ZBTB17: variants seen among roughly 807,000 people sequenced by gnomAD.
The protein encoded by ZBTB17 is zinc finger and BTB domain containing 17, also known as zinc finger and BTB domain-containing protein 17.
ZBTB17 carries 24 observed loss-of-function variants against 85.1 expected under a neutral mutation model. The observed-to-expected ratio is 0.28, with a 90% CI of 0.20 to 0.40. The LOEUF (loss-of-function observed/expected upper bound fraction) is 0.40. Among genes scored for constraint, ZBTB17 ranks in the 10% least tolerant of loss-of-function variants. ZBTB17 has a pLI of 1.00. For missense variants in ZBTB17, 743 were observed against 1,105.1 expected, an observed-to-expected ratio of 0.67 and a Z score of 4.65; for synonymous variants, 464 against 460.2, an observed-to-expected ratio of 1.01 and a Z score of -0.11.
At chr1:15,946,902 C>A in intron 4 of ZBTB17, 33 bp downstream of exon 4, 1 of 1,586,260 alleles carries the variant, frequency 6.3e-7, no homozygotes. Flanking sequence ...AGGTCTCTGG[C>A]CATCTGCTTG....
chr1:15,968,398 T>A (rs972305669), intron 2 of ZBTB17, among the ~76,000 whole-genome samples: 4 of 152,138 alleles, frequency 2.6e-5, no homozygotes, highest in Non-Finnish European at 5.9e-5. Flanking sequence ...AGTACCAGGA[T>A]AAATAAGACC....
At position 15,952,107 on chromosome 1, in the gene ZBTB17, T is replaced by C. The variant is rs554857664; in HGVS notation, c.-2-3610A>G. On this transcript the variant is annotated intron_variant, in intron 2 of 15. Coordinates refer to ENST00000375743, the MANE Select transcript of ZBTB17 (RefSeq NM_003443.3). This position sits in a 1 kb window ranked among gnomAD's most constrained non-coding sequence, Gnocchi z 4.3. ...ACTTCTAAGGAAGATCCTAAAACCT[T>C]AGAACCATAGAAAATGCCAACAGAA... Among the ~76,000 whole-genome samples the C allele has an allele frequency of 4.6e-5, 7 of 152,234 alleles. No individual in the cohort carries two copies. Among genetic ancestry groups the C allele is most frequent in the African/African-American group, 1.4e-4 (6 of 41,534 alleles).
intron 2 of ZBTB17, among the ~76,000 whole-genome samples, chr1:15,963,944 C>CAA (rs879787456): frequency 7.2e-6 from 1 of 138,312 alleles, no homozygotes; most frequent in African/African-American, 2.7e-5. Flanking sequence ...CTGTCTTTAC[C>CAA]AAAAAAAAAA....
At chr1:15,974,713 T>G (rs2072799833) in intron 1 of ZBTB17, among the ~76,000 whole-genome samples, 1 of 152,142 alleles carries the variant, frequency 6.6e-6, no homozygotes, top group East Asian at 1.9e-4. Context: ...CAGCTGGGAC[T>G]ACAGGCGCGC....
At position 15,969,687 on chromosome 1, in the gene ZBTB17, C is replaced by T. The variant is rs79642618; in HGVS notation, c.-3+3352G>A. The T allele has an allele frequency of 2.7e-3, 1,263 of 468,606 alleles. 34 individuals carry two copies. In the East Asian group the frequency reaches 0.06, roughly 22 times the overall value. The allele number at this position is 468,606 out of a possible 1,614,324, so 29.0% of individuals were successfully genotyped here. On this transcript the variant is annotated intron_variant, in intron 2 of 15. Transcript: ENST00000375743. ...TTCTGACTGCCAATATCTTCGCCATCGCCAGCATCACCAACCCAGACTGGC... is the reference window on the plus strand; with the variant it reads ...TTCTGACTGCCAATATCTTCGCCATTGCCAGCATCACCAACCCAGACTGGC...
intron 6 of ZBTB17, 121 bp from the exon 7 acceptor site, chr1:15,945,323 G>A (rs1222090648): frequency 2.5e-5 from 36 of 1,450,212 alleles, no homozygotes; most frequent in Middle Eastern, 2.4e-4. Flanking sequence ...GAAAGCCCCC[G>A]GGGGGGCCTG....
intron 2 of ZBTB17, among the ~76,000 whole-genome samples, chr1:15,959,012 A>G (rs757865695): frequency 5.3e-5 from 8 of 152,316 alleles, no homozygotes; most frequent in Non-Finnish European, 1.0e-4. Flanking sequence ...GACCCTTGGG[A>G]TAGGAAAAAT....
rs3979178 is a variant in ZBTB17, at chr1:15,964,975, G to A, written c.-3+8064C>T. Among the ~76,000 whole-genome samples the A allele has an allele frequency of 0.25, 37,324 of 151,784 alleles. 5,332 individuals are homozygous for A. The highest frequency in any genetic ancestry group is 0.43 in the South Asian group (2,086 of 4,816). ...AAAAATAAAAAAAAATTAGCCAGGC[G>A]TGGTGGCACGCATCTGTAATCCCAG... On this transcript the variant is annotated intron_variant, in intron 2 of 15. Transcript: ENST00000375743. The surrounding 1 kb of genome is among the most constrained non-coding windows in gnomAD (Gnocchi z 4.3).
chr1:15,969,194 C>T lies in ZBTB17; in HGVS notation c.-3+3845G>A, dbSNP rs542363772. ...GTGAGCTTCTCATGAAAATCTAATGCCTGATGATCTGTCACTGTCTTCCAT... is the reference window on the plus strand; with the variant it reads ...GTGAGCTTCTCATGAAAATCTAATGTCTGATGATCTGTCACTGTCTTCCAT... On this transcript the variant is annotated intron_variant, in intron 2 of 15. Transcript: ENST00000375743. 3.9e-5 allele frequency among the ~76,000 whole-genome samples: 6 copies of T among 152,286 alleles called. No homozygotes were observed. The South Asian group carries it at 1.2e-3, about 32-fold the overall frequency.
At position 15,945,743 on chromosome 1, in the gene ZBTB17, C is replaced by T. The variant is rs141369899; in HGVS notation, c.633G>A (p.Glu211=). The T allele has an allele frequency of 6.5e-4, 1,045 of 1,607,308 alleles. 11 individuals are homozygous for T. The African/African-American group carries it at 0.012, about 18-fold the overall frequency. Residue 211 remains glutamate (E), a synonymous_variant, in exon 6 of 16, where the codon GAG becomes GAA. Coordinates refer to ENST00000375743, the MANE Select transcript of ZBTB17 (RefSeq NM_003443.3). ...PTSGMAAAEA[E]AALSESSEQE... Reference sequence around the variant, plus strand: ...GCTCCGAGCTCTCGGACAAAGCGGCCTCAGCTTCTGCAGCAGCCATGCCAC... The same window carrying T: ...GCTCCGAGCTCTCGGACAAAGCGGCTTCAGCTTCTGCAGCAGCCATGCCAC...
chr1:15,963,716 G>T (rs542258989), intron 2 of ZBTB17, among the ~76,000 whole-genome samples: 1 of 152,240 alleles, frequency 6.6e-6, no homozygotes, highest in South Asian at 2.1e-4. Flanking sequence ...ATCCCAGAAA[G>T]AAAAGTATTA....
At chr1:15,967,699 A>C (rs2072494696) in intron 2 of ZBTB17, among the ~76,000 whole-genome samples, 1 of 152,194 alleles carries the variant, frequency 6.6e-6, no homozygotes, top group South Asian at 2.1e-4. Flanking sequence ...AACAGTAATT[A>C]TGGAGCCAGG....
chr1:15,947,473 T>C (rs181616601), intron 3 of ZBTB17, among the ~76,000 whole-genome samples: 60 of 152,024 alleles, frequency 3.9e-4, no homozygotes, highest in Non-Finnish European at 6.8e-4. Flanking sequence ...GGGCTGTGAA[T>C]GCCGCCCATG....
rs778085131 is a variant in ZBTB17, at chr1:15,952,429, G to A, written c.-2-3932C>T. Among the ~76,000 whole-genome samples, 11 of 152,224 alleles carry A rather than the reference G, an allele frequency of 7.2e-5. No homozygotes were observed. Among genetic ancestry groups the A allele is most frequent in the Non-Finnish European group, 1.3e-4 (9 of 68,044 alleles). On this transcript the variant is annotated intron_variant, in intron 2 of 15. Coordinates refer to ENST00000375743, the MANE Select transcript of ZBTB17 (RefSeq NM_003443.3). The surrounding 1 kb of genome is among the most constrained non-coding windows in gnomAD (Gnocchi z 4.3). ...CACACTGACACAGCGGAACAGACGC[G>A]GCAGAACCGACACGGCGGAACGGAC...
intron 4 of ZBTB17, 66 bp from the exon 5 acceptor site, chr1:15,946,360 G>C: frequency 6.4e-7 from 1 of 1,573,346 alleles, no homozygotes; most frequent in East Asian, 2.3e-5. Flanking sequence ...GGTGTGAGGT[G>C]GCCCAGAACT....
In ZBTB17 at chr1:15,944,734, C is replaced by T. The variant is rs2071519440; in HGVS notation, c.1033G>A (p.Asp345Asn). 1.2e-6 allele frequency: 2 copies of T among 1,611,852 alleles called. No homozygotes were observed. The highest frequency in any genetic ancestry group is 1.7e-6 in the Non-Finnish European group (2 of 1,179,868). ...TCATGGGCCTTGCACGCGGCCGGGTCGGAAAAGGCCTTGCTGCACTCCCGG... is the reference window on the plus strand; with the variant it reads ...TCATGGGCCTTGCACGCGGCCGGGTTGGAAAAGGCCTTGCTGCACTCCCGG... The part of the protein sequence containing the change: ...SCRECSKAFS[D>N]PAACKAHEKT... The change falls in exon 8 of 16, where the codon GAC becomes AAC. Residue 345 changes from aspartate to asparagine, a missense_variant. Around this residue, in one of 4 missense-constraint regions of ZBTB17, gnomAD observed 321 missense variants for 615.7 expected, o/e 0.52. Transcript: ENST00000375743.
intron 2 of ZBTB17, among the ~76,000 whole-genome samples, chr1:15,965,802 G>C (rs780309057): frequency 6.6e-6 from 1 of 152,244 alleles, no homozygotes; most frequent in Non-Finnish European, 1.5e-5. Context: ...ATTATATTAA[G>C]TTCAAAAACC....
intron 2 of ZBTB17, among the ~76,000 whole-genome samples, chr1:15,963,670 A>G (rs1159588589): frequency 3.3e-5 from 5 of 152,240 alleles, no homozygotes; most frequent in Non-Finnish European, 7.3e-5. Context: ...CCAAATTTAC[A>G]CCTTATGAAA....
rs1410558707 is a variant in ZBTB17, at chr1:15,950,021, C to T, written c.-2-1524G>A. On this transcript the variant is annotated intron_variant, in intron 2 of 15. Transcript: ENST00000375743. ...TGTTCCCTCCCCCTACACATCCCCG[C>T]GCAGGCTTTGGCTCTCTCAATGACA... Among the ~76,000 whole-genome samples, 5 of 152,376 alleles carry T rather than the reference C, an allele frequency of 3.3e-5. 1 individual carries two copies. Among genetic ancestry groups the T allele is most frequent in the East Asian group, 1.9e-4 (1 of 5,192 alleles).
Sources: gnomAD v4.1 joint callset for allele counts (sites outside exome capture counted in the v4.1 genomes callset) on GRCh38, gnomAD v4.1.1 for gene constraint, gnomAD v4.1.1 regional missense constraint, Gnocchi (gnomAD v3.1) non-coding constraint, MANE v1.5 for transcripts, NCBI Gene and HGNC (gene_info 2026-07-23, HGNC 2026-07-21) for gene names.